Variants in N4BP2 observed in about 807,000 individuals in gnomAD.
N4BP2 encodes NEDD4-binding protein 2.
In N4BP2, 91 loss-of-function variants were observed where a neutral mutation model predicts 152.8. The ratio of observed to expected loss-of-function variants is 0.60; its 90% CI spans 0.50 to 0.71. The LOEUF is 0.71. N4BP2 is among the 30% of genes least tolerant of loss of function. The pLI, the probability that N4BP2 is intolerant of heterozygous loss-of-function variation, is 0.00. For synonymous variants in N4BP2, 646 were observed against 705.3 expected, an observed-to-expected ratio of 0.92 and a Z score of 1.33; for missense variants, 1,923 against 2,059.1, an observed-to-expected ratio of 0.93 and a Z score of 1.28.
At position 40,084,152 on chromosome 4, in the gene N4BP2, T is replaced by C. The variant is rs773350211; in HGVS notation, c.-115+10601T>C. 9.9e-5 allele frequency among the ~76,000 whole-genome samples: 15 copies of C among 152,148 alleles called. 1 individual carries two copies. Among genetic ancestry groups the C allele is most frequent in the Non-Finnish European group, 2.2e-4 (15 of 68,034 alleles). On this transcript the variant is annotated intron_variant, in intron 2 of 17. Coordinates refer to ENST00000261435, the MANE Select transcript of N4BP2 (RefSeq NM_018177.6). ...TTTTAGTAGAGACGGGGTTTCGGCA[T>C]GTTGCCCAGGCTGGTCTTGAACCCC...
chr4:40,116,646 C>G (rs1717365075), intron 7 of N4BP2, among the ~76,000 whole-genome samples: 1 of 152,094 alleles, frequency 6.6e-6, no homozygotes, highest in South Asian at 2.1e-4. Context: ...TTTATTTTCA[C>G]TTATTCATCT....
At position 40,131,820 on chromosome 4, in the gene N4BP2, T is replaced by C; in HGVS notation, c.4547T>C (p.Phe1516Ser). ...KHNLKRETLM[F>S]EKDCATKLKE... Reference sequence around the variant, plus strand: ...TTTTAGAAAAGGGAGACCCTTATGTTTGAAAAAGATTGTGCCACTAAACTA... The same window carrying C: ...TTTTAGAAAAGGGAGACCCTTATGTCTGAAAAAGATTGTGCCACTAAACTA... Residue 1516 changes from phenylalanine to serine, a missense_variant, in exon 13 of 18, where the codon TTT becomes TCT. Coordinates refer to ENST00000261435, the MANE Select transcript of N4BP2 (RefSeq NM_018177.6). 1 of 1,613,274 alleles carries C rather than the reference T, an allele frequency of 6.2e-7. No homozygotes were observed. Among genetic ancestry groups the C allele is most frequent in the Non-Finnish European group, 8.5e-7 (1 of 1,179,480 alleles).
intron 1 of N4BP2, among the ~76,000 whole-genome samples, chr4:40,066,868 T>C (rs1711573514): frequency 6.6e-6 from 1 of 152,128 alleles, no homozygotes; most frequent in Non-Finnish European, 1.5e-5. Context: ...CATTTTCTCC[T>C]TCCTAGCCAT....
At chr4:40,126,680 A>G (rs1183193616) in intron 12 of N4BP2, among the ~76,000 whole-genome samples, 1 of 152,032 alleles carries the variant, frequency 6.6e-6, no homozygotes, top group Non-Finnish European at 1.5e-5. Context: ...ATCACAGCTC[A>G]TGGAAGCCTT....
chr4:40,121,036 G>A lies in N4BP2; in HGVS notation c.2925G>A (p.Leu975=). The A allele has an allele frequency of 6.2e-7, 1 of 1,614,060 alleles. No homozygotes were observed. The highest frequency in any genetic ancestry group is 8.5e-7 in the Non-Finnish European group (1 of 1,180,000). The change falls in exon 9 of 18, where the codon TTG becomes TTA. Residue 975 remains leucine, a synonymous_variant. Transcript: ENST00000261435. ...AGAGTCATGGGCAACACACATCGTT[G>A]CCTCTTACTTTTACCAATAGTGCAC... ...SKKSHGQHTS[L]PLTFTNSAPT...
At chr4:40,135,266 A>G (rs1719281698) in intron 13 of N4BP2, among the ~76,000 whole-genome samples, 2 of 151,726 alleles carry the variant, frequency 1.3e-5, no homozygotes, top group Non-Finnish European at 2.9e-5. Context: ...TGTCCCTACA[A>G]AGGACATGAA....
chr4:40,099,004 C>T (rs558874941), intron 3 of N4BP2, among the ~76,000 whole-genome samples: 17 of 152,150 alleles, frequency 1.1e-4, no homozygotes, highest in East Asian at 3.9e-4. Flanking sequence ...CTACGTTTTT[C>T]GTGAATAATT....
chr4:40,141,681 G>T (rs1719987278), intron 14 of N4BP2, among the ~76,000 whole-genome samples: 1 of 152,150 alleles, frequency 6.6e-6, no homozygotes. Context: ...TTCCCAGACG[G>T]GGTGGCGGCC....
chr4:40,140,423 T>G (rs1719810282), intron 14 of N4BP2, among the ~76,000 whole-genome samples: 1 of 152,152 alleles, frequency 6.6e-6, no homozygotes, highest in Non-Finnish European at 1.5e-5. Context: ...CAAGGCACTG[T>G]GAGTCATTAT....
chr4:40,099,567 A>G (rs909177214), intron 3 of N4BP2, among the ~76,000 whole-genome samples: 4 of 152,134 alleles, frequency 2.6e-5, no homozygotes, highest in African/African-American at 9.7e-5. Context: ...TAAGATTTTA[A>G]TAGGAATAAA....
At chr4:40,129,012 C>T (rs1165529529) in intron 12 of N4BP2, among the ~76,000 whole-genome samples, 3 of 152,180 alleles carry the variant, frequency 2.0e-5, no homozygotes, top group South Asian at 4.1e-4. Context: ...TCACAACTTA[C>T]TCCTTTTTTT....
At chr4:40,080,589 C>T (rs1713259867) in intron 2 of N4BP2, among the ~76,000 whole-genome samples, 1 of 151,874 alleles carries the variant, frequency 6.6e-6, no homozygotes, top group Admixed American at 6.6e-5. Context: ...CCCGCCTCGG[C>T]CTCCCAAAGT....
the N4BP2 span, among the ~76,000 whole-genome samples, chr4:40,174,325 C>T: frequency 1.2e-3 from 181 of 151,962 alleles, no homozygotes; most frequent in African/African-American, 4.0e-3. Context: ...TGCAGTGAGC[C>T]GTGATCATTT....
intron 7 of N4BP2, 39 bp downstream of exon 7, chr4:40,113,547 CGACA>C: frequency 1.5e-6 from 2 of 1,373,566 alleles, no homozygotes; most frequent in South Asian, 2.4e-5. Context: ...TTTTATGTAA[CGACA>C]GACAGACAAG....
intron 2 of N4BP2, among the ~76,000 whole-genome samples, chr4:40,083,591 A>G (rs1475471328): frequency 6.6e-6 from 1 of 152,234 alleles, no homozygotes; most frequent in East Asian, 1.9e-4. Context: ...GCCATGTTTT[A>G]GATTATACAA....
chr4:40,160,156 C>G (rs1721819785), downstream of N4BP2, among the ~76,000 whole-genome samples: 1 of 152,142 alleles, frequency 6.6e-6, no homozygotes. Flanking sequence ...TGTATATGAT[C>G]CTGTTCTAGC....
rs1721620810 is a variant in N4BP2, at chr4:40,156,649, C to T, written c.*2412C>T. On this transcript the variant is annotated 3_prime_UTR_variant, in exon 18 of 18. Transcript: ENST00000261435. ...GGGATTTTAAAAGTTTTCTCTATTA[C>T]CCATTTCTAAATCCTGTATGTCAAA... is the stretch of plus-strand genomic sequence containing the variant. 1 of 152,036 alleles carries T rather than the reference C, an allele frequency of 6.6e-6. No homozygotes were observed. The highest frequency in any genetic ancestry group is 2.1e-4 in the South Asian group (1 of 4,820). The allele number at this position is 152,036 out of a possible 1,614,324, so 9.4% of individuals were successfully genotyped here.
At chr4:40,123,923 G>T (rs1718158339) in intron 10 of N4BP2, among the ~76,000 whole-genome samples, 2 of 106,518 alleles carry the variant, frequency 1.9e-5, no homozygotes, top group African/African-American at 2.6e-5. Context: ...TTCATAACAA[G>T]AAATTTTTTT....
intron 1 of N4BP2, among the ~76,000 whole-genome samples, chr4:40,066,038 C>T (rs1734012991): frequency 6.6e-6 from 1 of 151,742 alleles, no homozygotes. Flanking sequence ...TCAAGCGATT[C>T]TCCTGCCTCA....
Sources: allele counts gnomAD v4.1 joint callset (sites outside exome capture counted in the v4.1 genomes callset), GRCh38; gene constraint gnomAD v4.1.1; transcripts MANE v1.5; gene names NCBI Gene and HGNC (gene_info 2026-07-23, HGNC 2026-07-21).